The following SFSWAP variants were observed in gnomAD, a reference collection of about 807,000 sequenced individuals.
The protein encoded by SFSWAP is splicing factor SWAP.
In SFSWAP, 17 loss-of-function variants were observed where a neutral mutation model predicts 100.7. The observed-to-expected ratio is 0.17, with a 90% CI of 0.12 to 0.25. SFSWAP has a LOEUF of 0.25. Ranked by LOEUF, SFSWAP falls within the 10% of genes least tolerant of loss-of-function variation. The pLI, the probability that SFSWAP is intolerant of heterozygous loss-of-function variation, is 1.00. For missense variants in SFSWAP, 1,005 were observed against 1,262.6 expected, an observed-to-expected ratio of 0.80 and a Z score of 3.09; for synonymous variants, 504 against 510.1, an observed-to-expected ratio of 0.99 and a Z score of 0.16.
chr12:131,777,818 T>C (rs1884148970), intron 13 of SFSWAP, among the ~76,000 whole-genome samples: 1 of 152,176 alleles, frequency 6.6e-6, no homozygotes, highest in African/African-American at 2.4e-5. Context: ...GCTCCGGCTG[T>C]CCACAGCCTG....
In SFSWAP at chr12:131,711,296, C is replaced by A. The variant is rs570745729; in HGVS notation, c.67C>A (p.Pro23Thr). 1 of 1,613,118 alleles carries A rather than the reference C, an allele frequency of 6.2e-7. No homozygotes were observed. Among genetic ancestry groups the A allele is most frequent in the Non-Finnish European group, 8.5e-7 (1 of 1,179,802 alleles). ...RKSGAKEEAG[P>T]GGAGGGGSRV... ...AAGCGGCGCGAAGGAGGAGGCCGGG[C>A]CAGGCGGTGCCGGCGGTGGGGGCAG... is the stretch of plus-strand genomic sequence containing the variant. Residue 23 changes from proline to threonine, a missense_variant, in exon 1 of 18, where the codon CCA becomes ACA. This residue lies in a region of SFSWAP where 237 missense variants were observed against 337.0 expected (regional missense o/e 0.70). Coordinates refer to ENST00000261674, the MANE Select transcript of SFSWAP (RefSeq NM_004592.4). The surrounding 1 kb of genome is among the most constrained non-coding windows in gnomAD (Gnocchi z 4.9).
At chr12:131,732,874 A>G (rs1879638984) in intron 7 of SFSWAP, among the ~76,000 whole-genome samples, 2 of 151,816 alleles carry the variant, frequency 1.3e-5, no homozygotes, top group Admixed American at 6.6e-5. Flanking sequence ...CTGGAAAATT[A>G]CTAACATTAC....
rs763245007 is a variant in SFSWAP, at chr12:131,754,328, C to T, written c.1323-40C>T. 8 of 1,460,138 alleles carry T rather than the reference C, an allele frequency of 5.5e-6. No homozygotes were observed. The Admixed American group carries it at 1.5e-4, about 28-fold the overall frequency. 90.4% of individuals were successfully genotyped at this position (1,460,138 alleles called of 1,614,324 possible). A position where few individuals can be genotyped will look rare whatever the true frequency, so the allele number is the denominator to read the frequency against. On this transcript the variant is annotated intron_variant, in intron 8 of 17. Coordinates refer to ENST00000261674, the MANE Select transcript of SFSWAP (RefSeq NM_004592.4). ...AGCAGCCAGGACTGAGCTTGGCGAG[C>T]CCCTGAAGCCCAGGGGTCTCACAGA...
intron 13 of SFSWAP, among the ~76,000 whole-genome samples, chr12:131,773,465 A>G (rs1426912273): frequency 1.3e-5 from 2 of 152,060 alleles, no homozygotes; most frequent in Non-Finnish European, 2.9e-5. Context: ...TCAGCCTCCA[A>G]AGTAGCTAGG....
In SFSWAP at chr12:131,733,670, G is replaced by A. The variant is rs1056829004; in HGVS notation, c.1081+5242G>A. On this transcript the variant is annotated intron_variant, in intron 7 of 17. Coordinates refer to ENST00000261674, the MANE Select transcript of SFSWAP (RefSeq NM_004592.4). This position sits in a 1 kb window ranked among gnomAD's most constrained non-coding sequence, Gnocchi z 5.1. Reference sequence around the variant, plus strand: ...CCTGTCACAGCATCTGTGACAGCCCGGAAGGAAACAGCAGTCCATACAGTC... The same window carrying A: ...CCTGTCACAGCATCTGTGACAGCCCAGAAGGAAACAGCAGTCCATACAGTC... Among the ~76,000 whole-genome samples the A allele has an allele frequency of 3.9e-5, 6 of 152,128 alleles. No homozygotes were observed. The South Asian group carries it at 6.2e-4, about 16-fold the overall frequency.
In SFSWAP at chr12:131,786,450, C is replaced by A; in HGVS notation, c.2409-13C>A. 6.3e-7 allele frequency: 1 copy of A among 1,583,204 alleles called. No homozygotes were observed. Among genetic ancestry groups the A allele is most frequent in the East Asian group, 2.3e-5 (1 of 43,676 alleles). On this transcript the variant is annotated splice_polypyrimidine_tract_variant and intron_variant, in intron 14 of 17. Coordinates refer to ENST00000261674, the MANE Select transcript of SFSWAP (RefSeq NM_004592.4). ...AGGCCACAGAGCTGAACACTGCCTC[C>A]TCCCCTGTCCAGGTCCCGCTCCCGG...
intron 15 of SFSWAP, among the ~76,000 whole-genome samples, chr12:131,793,783 C>T (rs1885439498): frequency 6.6e-6 from 1 of 152,120 alleles, no homozygotes; most frequent in Non-Finnish European, 1.5e-5. Flanking sequence ...AGAAGGATCT[C>T]TTAAATAGCC....
At chr12:131,746,862 T>C (rs1881148627) in intron 7 of SFSWAP, among the ~76,000 whole-genome samples, 1 of 152,108 alleles carries the variant, frequency 6.6e-6, no homozygotes, top group Non-Finnish European at 1.5e-5. Context: ...CCCAGCACTT[T>C]GGGAGGCCAA....
At chr12:131,721,638 A>G (rs938460591) in intron 4 of SFSWAP, among the ~76,000 whole-genome samples, 13 of 152,222 alleles carry the variant, frequency 8.5e-5, no homozygotes, top group African/African-American at 3.1e-4. Context: ...TAGAGGTACA[A>G]TGGAATTGTG....
intron 7 of SFSWAP, among the ~76,000 whole-genome samples, chr12:131,732,261 CTG>C (rs1879588213): frequency 6.6e-6 from 1 of 152,168 alleles, no homozygotes; most frequent in South Asian, 2.1e-4. Flanking sequence ...CATAGAATAA[CTG>C]TAACGTTTGC....
At chr12:131,716,420 A>G (rs974197565) in intron 3 of SFSWAP, among the ~76,000 whole-genome samples, 6 of 152,230 alleles carry the variant, frequency 3.9e-5, no homozygotes, top group Non-Finnish European at 7.3e-5. Context: ...TATCCAGAAT[A>G]AGCTCTCCTT....
At chr12:131,788,033 C>A (rs6598155) in intron 15 of SFSWAP, among the ~76,000 whole-genome samples, 151,273 of 152,352 alleles carry the variant, frequency 0.99, 75,110 homozygotes, top group East Asian at 1. Flanking sequence ...AAAATGTTAG[C>A]ATCCATCCCT....
In SFSWAP at chr12:131,766,262, C is replaced by G; in HGVS notation, c.2096C>G (p.Pro699Arg). The change falls in exon 13 of 18, where the codon CCG becomes CGG. Residue 699 changes from proline (P) to arginine (R), a missense_variant. By Grantham distance (103) the Pro-to-Arg change is moderately radical. Around this residue, in one of 7 missense-constraint regions of SFSWAP, gnomAD observed 295 missense variants for 347.9 expected, o/e 0.85. Transcript: ENST00000261674. ...LFLQTLKNPL[P>R]EAEAGKIEES... ...TTACAGACCCTCAAAAATCCTCTGC[C>G]GGAAGCAGAAGCTGGGAAAATTGAG... The G allele has an allele frequency of 1.9e-6, 3 of 1,614,130 alleles. No individual in the cohort carries two copies. Among genetic ancestry groups the G allele is most frequent in the Non-Finnish European group, 2.5e-6 (3 of 1,180,034 alleles).
rs1297815330 is a variant in SFSWAP, at chr12:131,725,184, A to G, written c.607-221A>G. Among the ~76,000 whole-genome samples the G allele has an allele frequency of 6.6e-6, 1 of 152,194 alleles. No homozygotes were observed. Among genetic ancestry groups the G allele is most frequent in the Non-Finnish European group, 1.5e-5 (1 of 68,030 alleles). On this transcript the variant is annotated intron_variant, in intron 4 of 17. Transcript: ENST00000261674. The surrounding 1 kb of genome is among the most constrained non-coding windows in gnomAD (Gnocchi z 4.3). ...AAGTCACCTCCCATGGGTCTGTACC[A>G]TGGTGGAGTGGCCTGCCTCAGCTGG...
rs775207546 is a variant in SFSWAP, at chr12:131,711,497, A to C, written c.218+50A>C. On this transcript the variant is annotated intron_variant, in intron 1 of 17. Transcript: ENST00000261674. The surrounding 1 kb of genome is among the most constrained non-coding windows in gnomAD (Gnocchi z 4.9). ...ATCCTTCCCTTCCCTCACCCGCTTGATCTCGTCTGATGTTGACTTGACTGC... is the reference window on the plus strand; with the variant it reads ...ATCCTTCCCTTCCCTCACCCGCTTGCTCTCGTCTGATGTTGACTTGACTGC... The C allele has an allele frequency of 4.2e-5, 62 of 1,460,168 alleles. No homozygotes were observed. The highest frequency in any genetic ancestry group is 5.6e-5 in the Non-Finnish European group (59 of 1,047,260). The allele number at this position is 1,460,168 out of a possible 1,614,324, so 90.5% of individuals were successfully genotyped here.
chr12:131,772,065 T>C (rs571822686), intron 13 of SFSWAP, among the ~76,000 whole-genome samples: 1 of 152,346 alleles, frequency 6.6e-6, no homozygotes, highest in East Asian at 1.9e-4. Context: ...CTTTGTCTTA[T>C]GCTGCGTCAT....
chr12:131,759,964 A>G (rs1231706959), intron 11 of SFSWAP, among the ~76,000 whole-genome samples: 1 of 152,232 alleles, frequency 6.6e-6, no homozygotes, highest in Non-Finnish European at 1.5e-5. Flanking sequence ...ACATTCTCTC[A>G]GATGTTGATG....
At chr12:131,740,372 T>C (rs1490412843) in intron 7 of SFSWAP, among the ~76,000 whole-genome samples, 2 of 151,904 alleles carry the variant, frequency 1.3e-5, no homozygotes, top group Admixed American at 6.6e-5. Flanking sequence ...CTACCTGCCC[T>C]GGGAGGTGGA....
intron 7 of SFSWAP, among the ~76,000 whole-genome samples, chr12:131,739,536 CTTTTTTTTTTTTTTT>C (rs777610140): frequency 8.2e-5 from 5 of 60,880 alleles, no homozygotes; most frequent in East Asian, 4.6e-4. Flanking sequence ...TCCCCAGTTG[CTTTTTTTTTTTTTTT>C]TTTTTTTTTT....
Sources: allele counts gnomAD v4.1 joint callset (sites outside exome capture counted in the v4.1 genomes callset), GRCh38; gene constraint gnomAD v4.1.1; regional missense constraint gnomAD v4.1.1; non-coding constraint Gnocchi (gnomAD v3.1); transcripts MANE v1.5; gene names NCBI Gene and HGNC (gene_info 2026-07-23, HGNC 2026-07-21).